Variants in TBX2 observed in about 807,000 individuals in gnomAD.
TBX2 encodes the protein T-box transcription factor 2.
In TBX2, 19 loss-of-function variants were observed where a neutral mutation model predicts 48.4. That is an observed-to-expected ratio of 0.39 (90% CI 0.27 to 0.58). The LOEUF is 0.58. TBX2 is among the 20% of genes least tolerant of loss of function. The pLI is 0.54. For missense variants in TBX2, 994 were observed against 1,006.5 expected, an observed-to-expected ratio of 0.99 and a Z score of 0.17; for synonymous variants, 522 against 459.7, an observed-to-expected ratio of 1.14 and a Z score of -1.73.
chr17:61,401,981 C>T lies in TBX2; in HGVS notation c.663+30C>T, dbSNP rs922213099. 9.6e-6 allele frequency: 15 copies of T among 1,556,844 alleles called. No homozygotes were observed. The African/African-American group carries it at 1.9e-4, about 20-fold the overall frequency. On this transcript the variant is annotated intron_variant, in intron 2 of 6. Coordinates refer to ENST00000240328, the MANE Select transcript of TBX2 (RefSeq NM_005994.4). Reference sequence around the variant, plus strand: ...GTGTTGGGGCAGGGTGGGGACGGTGCAGGAGCTTGTTGACCCAGCACTGCA... The same window carrying T: ...GTGTTGGGGCAGGGTGGGGACGGTGTAGGAGCTTGTTGACCCAGCACTGCA...
chr17:61,404,386 G>A lies in TBX2; in HGVS notation c.811-35G>A. 4.4e-6 allele frequency: 7 copies of A among 1,573,652 alleles called. No individual in the cohort carries two copies. The South Asian group carries it at 5.8e-5, about 13-fold the overall frequency. On this transcript the variant is annotated intron_variant, in intron 3 of 6. Coordinates refer to ENST00000240328, the MANE Select transcript of TBX2 (RefSeq NM_005994.4). ...CCACCGACCACGCTGGAAGAGCCAC[G>A]GCCTGACTTAGCGCCGCCCCCTTGG...
chr17:61,400,534 A>G lies in TBX2; in HGVS notation c.358A>G (p.Lys120Glu). 1 of 1,585,860 alleles carries G rather than the reference A, an allele frequency of 6.3e-7. No homozygotes were observed. The highest frequency in any genetic ancestry group is 8.6e-7 in the Non-Finnish European group (1 of 1,166,672). Residue 120 changes from lysine to glutamate, a missense_variant, in exon 1 of 7, where the codon AAG becomes GAG. By Grantham distance (56) the Lys-to-Glu change is moderately conservative (BLOSUM62 1). Transcript: ENST00000240328. This position sits in a 1 kb window ranked among gnomAD's most constrained non-coding sequence, Gnocchi z 9.2. ...EAKELWDQFH[K>E]LGTEMVITKS... The stretch of plus-strand genomic sequence containing the variant: ...CAAGGAGCTGTGGGACCAGTTCCAC[A>G]AGCTAGGCACGGAGATGGTCATCAC...
rs2060272526 is a variant in TBX2 at position 61,403,237 on chromosome 17, C to T, written c.810+30C>T. 1.2e-6 allele frequency: 2 copies of T among 1,607,200 alleles called. No homozygotes were observed. The highest frequency in any genetic ancestry group is 2.7e-5 in the African/African-American group (2 of 74,826). ...GCGCGGCGGGCGGTGGGCTAAGCCC[C>T]TGCACTGACGCCCCTCAACACGTGC... On this transcript the variant is annotated intron_variant, in intron 3 of 6. Coordinates refer to ENST00000240328, the MANE Select transcript of TBX2 (RefSeq NM_005994.4). The surrounding 1 kb of genome is among the most constrained non-coding windows in gnomAD (Gnocchi z 5.8).
chr17:61,401,756 C>T lies in TBX2; in HGVS notation c.468C>T (p.Asp156=), dbSNP rs2060264751. 6.2e-7 allele frequency: 1 copy of T among 1,612,938 alleles called. No homozygotes were observed. Among genetic ancestry groups the T allele is most frequent in the African/African-American group, 1.3e-5 (1 of 74,926 alleles). ...DKKAKYILLM[D]IVAADDCRYK... ...AGGCCAAGTATATCCTGCTGATGGACATTGTAGCCGCTGACGATTGCCGCT... is the reference window on the plus strand; with the variant it reads ...AGGCCAAGTATATCCTGCTGATGGATATTGTAGCCGCTGACGATTGCCGCT... Residue 156 remains aspartate, a synonymous_variant, in exon 2 of 7, where the codon GAC becomes GAT. Coordinates refer to ENST00000240328, the MANE Select transcript of TBX2 (RefSeq NM_005994.4).
chr17:61,405,909 G>A (rs1425684546), intron 6 of TBX2, 73 bp downstream of exon 6: 13 of 1,241,562 alleles, frequency 1.0e-5, no homozygotes, highest in African/African-American at 4.7e-5. Context: ...GCCAGCGGAG[G>A]GCCTGAGGGG....
intron 2 of TBX2, 143 bp downstream of exon 2, chr17:61,402,094 T>G: frequency 7.8e-7 from 1 of 1,276,740 alleles, no homozygotes; most frequent in Non-Finnish European, 1.0e-6. Context: ...CACTGCCCTG[T>G]GGTCTACGTG....
In TBX2 at chr17:61,400,419, C is replaced by A; in HGVS notation, c.243C>A (p.Gly81=). 1.3e-6 allele frequency: 2 copies of A among 1,543,938 alleles called. No homozygotes were observed. The highest frequency in any genetic ancestry group is 8.7e-7 in the Non-Finnish European group (1 of 1,147,398). ...AEAGLHVSAL[G]PHPPAAHLRS... Reference sequence around the variant, plus strand: ...CGGGGCTGCACGTCTCGGCACTGGGCCCGCACCCGCCCGCCGCGCATCTGC... The same window carrying A: ...CGGGGCTGCACGTCTCGGCACTGGGACCGCACCCGCCCGCCGCGCATCTGC... The change falls in exon 1 of 7, where the codon GGC becomes GGA. Residue 81 remains glycine (G), a synonymous_variant. Transcript: ENST00000240328. This position sits in a 1 kb window ranked among gnomAD's most constrained non-coding sequence, Gnocchi z 9.2.
chr17:61,403,321 C>A lies in TBX2; in HGVS notation c.810+114C>A. On this transcript the variant is annotated intron_variant, in intron 3 of 6. Coordinates refer to ENST00000240328, the MANE Select transcript of TBX2 (RefSeq NM_005994.4). This position sits in a 1 kb window ranked among gnomAD's most constrained non-coding sequence, Gnocchi z 5.8. ...CCCCTGCACGGGATCCGCGCTCTTG[C>A]GGCCCGCCCCCGAGCACCGAGCCTC... 2.7e-6 allele frequency: 4 copies of A among 1,482,338 alleles called. No individual in the cohort carries two copies. The highest frequency in any genetic ancestry group is 3.6e-6 in the Non-Finnish European group (4 of 1,113,570). The allele number at this position is 1,482,338 out of a possible 1,614,324, so 91.8% of individuals were successfully genotyped here. A position where few individuals can be genotyped will look rare whatever the true frequency, so the allele number is the denominator to read the frequency against.
At chr17:61,402,079 C>G (rs970505028) in intron 2 of TBX2, 128 bp downstream of exon 2, 9 of 1,351,650 alleles carry the variant, frequency 6.7e-6, no homozygotes, top group Non-Finnish European at 6.9e-6. Flanking sequence ...TGCCCCTGCC[C>G]GGGTCACTGC....
chr17:61,403,509 T>A lies in TBX2; in HGVS notation c.810+302T>A, dbSNP rs567078281. On this transcript the variant is annotated intron_variant, in intron 3 of 6. Transcript: ENST00000240328. This position sits in a 1 kb window ranked among gnomAD's most constrained non-coding sequence, Gnocchi z 5.8. ...GACTCCGGGCCCGCGCTGACATTTTTACATTTTATTCGTTTATTTCTTGGC... is the reference window on the plus strand; with the variant it reads ...GACTCCGGGCCCGCGCTGACATTTTAACATTTTATTCGTTTATTTCTTGGC... Among the ~76,000 whole-genome samples, 5 of 152,376 alleles carry A rather than the reference T, an allele frequency of 3.3e-5. No homozygotes were observed. In the East Asian group the frequency reaches 9.6e-4, roughly 29 times the overall value.
intron 6 of TBX2, chr17:61,407,695 C>T (rs1326510193): frequency 1.7e-5 from 4 of 235,342 alleles, no homozygotes; most frequent in African/African-American, 6.8e-5. Flanking sequence ...CCAAGACACC[C>T]AAAGCTGCCT....
In TBX2 at chr17:61,400,446, C is replaced by T; in HGVS notation, c.270C>T (p.Arg90=). Residue 90 remains arginine (R), a synonymous_variant, in exon 1 of 7, where the codon CGC becomes CGT. Coordinates refer to ENST00000240328, the MANE Select transcript of TBX2 (RefSeq NM_005994.4). This position sits in a 1 kb window ranked among gnomAD's most constrained non-coding sequence, Gnocchi z 9.2. The part of the protein sequence containing the change: ...LGPHPPAAHL[R]SLKSLEPEDE... ...CGCACCCGCCCGCCGCGCATCTGCG[C>T]TCCCTCAAGAGCCTGGAGCCCGAGG... is the stretch of plus-strand genomic sequence containing the variant. The T allele has an allele frequency of 1.3e-6, 2 of 1,589,924 alleles. No homozygotes were observed. Among genetic ancestry groups the T allele is most frequent in the South Asian group, 1.1e-5 (1 of 87,720 alleles).
Position 61,405,849 on chromosome 17 carries a change from A to AC in TBX2, c.1686+17dup. 7.8e-7 allele frequency: 1 copy of AC among 1,288,466 alleles called. No individual in the cohort carries two copies. The highest frequency in any genetic ancestry group is 9.8e-7 in the Non-Finnish European group (1 of 1,023,154). The allele number at this position is 1,288,466 out of a possible 1,614,324, so 79.8% of individuals were successfully genotyped here. On this transcript the variant is annotated intron_variant, in intron 6 of 6. Coordinates refer to ENST00000240328, the MANE Select transcript of TBX2 (RefSeq NM_005994.4). The stretch of plus-strand genomic sequence containing the variant: ...GCTGGCATCTCAGGTAAGGCCTGTG[A>AC]CCCCGCGGCAGCGCCAGCGAGGGAG...
chr17:61,403,215 C>T lies in TBX2; in HGVS notation c.810+8C>T. 1 of 1,611,994 alleles carries T rather than the reference C, an allele frequency of 6.2e-7. No individual in the cohort carries two copies. Among genetic ancestry groups the T allele is most frequent in the Non-Finnish European group, 8.5e-7 (1 of 1,179,928 alleles). On this transcript the variant is annotated splice_region_variant and intron_variant, in intron 3 of 6. Transcript: ENST00000240328. The surrounding 1 kb of genome is among the most constrained non-coding windows in gnomAD (Gnocchi z 5.8). ...GCCTACCAGAATGACAAGGTGCGCG[C>T]GGCGGGCGGTGGGCTAAGCCCCTGC...
Position 61,405,728 on chromosome 17 carries a change from T to A in TBX2, c.1578T>A (p.Pro526=). The A allele has an allele frequency of 7.3e-7, 1 of 1,368,646 alleles. No homozygotes were observed. The highest frequency in any genetic ancestry group is 2.1e-4 in the Middle Eastern group (1 of 4,862). 84.8% of individuals were successfully genotyped at this position (1,368,646 alleles called of 1,614,324 possible). A position where few individuals can be genotyped will look rare whatever the true frequency, so the allele number is the denominator to read the frequency against. The stretch of plus-strand genomic sequence containing the variant: ...GCGGCAACGGCGGAGGTGGCGGGCC[T>A]GGGACCGCCGCGGGGCTGGACGCAG... The part of the protein sequence containing the change: ...AGGGNGGGGG[P]GTAAGLDAGG... Residue 526 remains proline (P), a synonymous_variant, in exon 6 of 7, where the codon CCT becomes CCA. Coordinates refer to ENST00000240328, the MANE Select transcript of TBX2 (RefSeq NM_005994.4).
chr17:61,407,834 C>T, intron 6 of TBX2: 1 of 569,312 alleles, frequency 1.8e-6, no homozygotes, highest in Non-Finnish European at 3.0e-6. Flanking sequence ...GATGGCAGGC[C>T]TTTGCATGGT....
chr17:61,404,716 C>T lies in TBX2; in HGVS notation c.998C>T (p.Pro333Leu), dbSNP rs1385424993. The part of the protein sequence containing the change: ...SSCDPPPARE[P>L]PTSPGAAPSP... ...TGCGACCCTCCCCCCGCGCGGGAACCACCCACCTCCCCGGGCGCAGCGCCC... is the reference window on the plus strand; with the variant it reads ...TGCGACCCTCCCCCCGCGCGGGAACTACCCACCTCCCCGGGCGCAGCGCCC... The change falls in exon 5 of 7, where the codon CCA becomes CTA. Residue 333 changes from proline (P) to leucine (L), a missense_variant. Around this residue, in one of 5 missense-constraint regions of TBX2, gnomAD observed 639 missense variants for 613.2 expected, o/e 1.04. Transcript: ENST00000240328. 27 of 1,560,646 alleles carry T rather than the reference C, an allele frequency of 1.7e-5. No homozygotes were observed. Among genetic ancestry groups the T allele is most frequent in the Non-Finnish European group, 2.3e-5 (27 of 1,153,656 alleles).
rs575863691 is a variant in TBX2 at position 61,403,324 on chromosome 17, C to G, written c.810+117C>G. On this transcript the variant is annotated intron_variant, in intron 3 of 6. Coordinates refer to ENST00000240328, the MANE Select transcript of TBX2 (RefSeq NM_005994.4). The surrounding 1 kb of genome is among the most constrained non-coding windows in gnomAD (Gnocchi z 5.8). ...CTGCACGGGATCCGCGCTCTTGCGG[C>G]CCGCCCCCGAGCACCGAGCCTCGCA... 11 of 1,477,520 alleles carry G rather than the reference C, an allele frequency of 7.4e-6. No homozygotes were observed. In the East Asian group the frequency reaches 2.2e-4, roughly 30 times the overall value. 91.5% of individuals were successfully genotyped at this position (1,477,520 alleles called of 1,614,324 possible). A position where few individuals can be genotyped will look rare whatever the true frequency, so the allele number is the denominator to read the frequency against.
intron 5 of TBX2, 34 bp downstream of exon 5, chr17:61,404,803 GGC>G (rs1491040155): frequency 8.9e-6 from 13 of 1,460,392 alleles, no homozygotes; most frequent in Non-Finnish European, 1.1e-5. Context: ...ACAGGGAGGT[GGC>G]GGCGGGGGGT....
Sources: gnomAD v4.1 joint callset for allele counts (sites outside exome capture counted in the v4.1 genomes callset) on GRCh38, gnomAD v4.1.1 for gene constraint, gnomAD v4.1.1 regional missense constraint, Gnocchi (gnomAD v3.1) non-coding constraint, MANE v1.5 for transcripts, NCBI Gene and HGNC (gene_info 2026-07-23, HGNC 2026-07-21) for gene names.